PDE4D: variants seen among roughly 807,000 people sequenced by gnomAD.
PDE4D encodes the protein phosphodiesterase 4D.
A neutral mutation model predicts 87.4 loss-of-function variants in PDE4D; 24 were observed. That is an observed-to-expected ratio of 0.27 (90% CI 0.20 to 0.39). PDE4D has a LOEUF of 0.39. Among genes scored for constraint, PDE4D ranks in the 10% least tolerant of loss-of-function variants. The pLI is 1.00. For synonymous variants in PDE4D, 384 were observed against 383.2 expected (o/e 1.00, Z -0.02); for missense variants, 714 against 1,041.0 (o/e 0.69, Z 4.32).
At chr5:60,248,943 G>A (rs1748107206) in intron 1 of PDE4D, among the ~76,000 whole-genome samples, 1 of 151,960 alleles carries the variant, frequency 6.6e-6, no homozygotes, top group South Asian at 2.1e-4. Context: ...GGCATTCACT[G>A]CGCAAAGAGC....
intron 1 of PDE4D, among the ~76,000 whole-genome samples, chr5:60,228,438 G>C (rs981838078): frequency 6.6e-6 from 1 of 152,072 alleles, no homozygotes; most frequent in African/African-American, 2.4e-5. Flanking sequence ...ATAATGAACA[G>C]AGAAATATCA....
intron 1 of PDE4D, among the ~76,000 whole-genome samples, chr5:59,826,680 G>A (rs928767938): frequency 6.6e-6 from 1 of 152,062 alleles, no homozygotes; most frequent in Admixed American, 6.6e-5. Flanking sequence ...ATCAGTTTCT[G>A]TAAACCTGTA....
intron 1 of PDE4D, among the ~76,000 whole-genome samples, chr5:59,750,945 CAAAAAAAA>C (rs34787047): frequency 1.5e-5 from 1 of 68,762 alleles, no homozygotes; most frequent in Non-Finnish European, 2.8e-5. Flanking sequence ...GACCCTGTCT[CAAAAAAAA>C]AAAAAAAAAA....
At chr5:60,267,328 T>C (rs1425553393) in intron 1 of PDE4D, among the ~76,000 whole-genome samples, 2 of 152,228 alleles carry the variant, frequency 1.3e-5, no homozygotes, top group South Asian at 2.1e-4. Flanking sequence ...TATATCTTTC[T>C]GTATTTTCTA....
chr5:60,225,670 A>T (rs1745006109), intron 1 of PDE4D, among the ~76,000 whole-genome samples: 1 of 152,040 alleles, frequency 6.6e-6, no homozygotes, highest in Admixed American at 6.6e-5. Flanking sequence ...CTAACATGGG[A>T]ACTCTCTGGG....
intron 1 of PDE4D, among the ~76,000 whole-genome samples, chr5:59,367,676 A>G (rs902115869): frequency 1.3e-5 from 2 of 152,246 alleles, no homozygotes; most frequent in Admixed American, 1.3e-4. Context: ...TTTAACACCT[A>G]TGATGGTATT....
rs900928067 is a variant in PDE4D at position 60,000,233 on chromosome 5, AAGAC to A, written c.43-11520_43-11517del. Among the ~76,000 whole-genome samples, 28 of 152,292 alleles carry A rather than the reference AAGAC, an allele frequency of 1.8e-4. 1 individual carries two copies. The Middle Eastern group carries it at 0.031, about 167-fold the overall frequency. ...AGGAAGGAAATGAACAACCAAATTC[AAGAC>A]ACTGATAAAACTCAAACGTGGAAAA... On this transcript the variant is annotated intron_variant, in intron 2 of 16. Coordinates refer to the PDE4D transcript ENST00000502484.
At chr5:59,282,591 C>G (rs532314991) in intron 1 of PDE4D, among the ~76,000 whole-genome samples, 1 of 137,446 alleles carries the variant, frequency 7.3e-6, no homozygotes, top group East Asian at 2.2e-4. Flanking sequence ...TGCAGTGAGC[C>G]GAGATCGTGT....
chr5:60,280,225 T>G (rs2149744356), intron 1 of PDE4D, among the ~76,000 whole-genome samples: 1 of 152,022 alleles, frequency 6.6e-6, no homozygotes, highest in African/African-American at 2.4e-5. Context: ...ACACAGCAAT[T>G]AATATGTTTT....
intron 1 of PDE4D, among the ~76,000 whole-genome samples, chr5:59,796,643 T>C (rs750393400): frequency 6.6e-6 from 1 of 152,234 alleles, no homozygotes; most frequent in African/African-American, 2.4e-5. Context: ...TTAAAAAAAT[T>C]AAAGGCAAGC....
rs1329628925 is a variant in PDE4D at position 58,970,562 on chromosome 5, T to C, written c.*4102A>G. On this transcript the variant is annotated 3_prime_UTR_variant, in exon 15 of 15. Transcript: ENST00000340635. ...TTTAAAATTCTAAAGCAATGAAAGTTTTGCAGAAACAAATCTTAGAGGATA... is the reference window on the plus strand; with the variant it reads ...TTTAAAATTCTAAAGCAATGAAAGTCTTGCAGAAACAAATCTTAGAGGATA... 6.6e-6 allele frequency: 1 copy of C among 152,132 alleles called. No individual in the cohort carries two copies. Among genetic ancestry groups the C allele is most frequent in the East Asian group, 1.9e-4 (1 of 5,186 alleles). 9.4% of individuals were successfully genotyped at this position (152,132 alleles called of 1,614,324 possible).
At chr5:59,208,357 A>G (rs554030640) in intron 2 of PDE4D, among the ~76,000 whole-genome samples, 1 of 152,340 alleles carries the variant, frequency 6.6e-6, no homozygotes, top group East Asian at 1.9e-4. Flanking sequence ...CCTCTGCTTT[A>G]ACAACTTTTT....
intron 5 of PDE4D, among the ~76,000 whole-genome samples, chr5:59,105,215 T>G (rs1771399861): frequency 6.6e-6 from 1 of 152,238 alleles, no homozygotes; most frequent in African/African-American, 2.4e-5. Context: ...GCTGGGTCTA[T>G]TATGAGAAAC....
In PDE4D at chr5:58,988,576, A is replaced by G; in HGVS notation, c.1469T>C (p.Leu490Ser). The change falls in exon 11 of 15, where the codon TTG (leucine) becomes TCG (serine). Residue 490 changes from leucine (L) to serine (S), a missense_variant. Leu to Ser is a moderately radical substitution (Grantham distance 145, BLOSUM62 -2). Transcript: ENST00000340635. Reference protein sequence around the residue: ...TPALEAVFTDLEILAAIFASA... With the variant: ...TPALEAVFTDSEILAAIFASA... ...GGCAAAAATTGCTGCAAGAATCTCC[A>G]AATCTGTAAACACAGCCTGGAAAAT... The G allele has an allele frequency of 6.7e-7, 1 of 1,489,724 alleles. No individual in the cohort carries two copies. The highest frequency in any genetic ancestry group is 9.0e-7 in the Non-Finnish European group (1 of 1,108,128). The allele number at this position is 1,489,724 out of a possible 1,614,324, so 92.3% of individuals were successfully genotyped here.
intron 2 of PDE4D, among the ~76,000 whole-genome samples, chr5:59,998,137 T>C (rs1056604841): frequency 1.3e-5 from 2 of 152,190 alleles, no homozygotes; most frequent in African/African-American, 4.8e-5. Flanking sequence ...TGAGGATCCT[T>C]CAGAGTTTTG....
intron 1 of PDE4D, among the ~76,000 whole-genome samples, chr5:59,493,002 T>C (rs554480958): frequency 1.3e-5 from 2 of 152,158 alleles, no homozygotes; most frequent in East Asian, 1.9e-4. Context: ...TTCTTCCTAG[T>C]GTCAAGGGTG....
At chr5:59,689,684 C>G (rs1750566572) in intron 1 of PDE4D, among the ~76,000 whole-genome samples, 1 of 152,160 alleles carries the variant, frequency 6.6e-6, no homozygotes. Flanking sequence ...CCTTTCTCAC[C>G]ACTCCTATTC....
chr5:59,179,080 G>T (rs1561640862), intron 5 of PDE4D, among the ~76,000 whole-genome samples: 1 of 152,098 alleles, frequency 6.6e-6, no homozygotes, highest in Non-Finnish European at 1.5e-5. Context: ...ATTTATTTTA[G>T]CATATAGGAA....
chr5:60,459,141 A>C (rs948566308), intron 1 of PDE4D, among the ~76,000 whole-genome samples: 1 of 152,192 alleles, frequency 6.6e-6, no homozygotes, highest in Non-Finnish European at 1.5e-5. Context: ...CAAAATTACA[A>C]TAGAGAAAGT....
Sources: gnomAD v4.1 joint callset for allele counts (sites outside exome capture counted in the v4.1 genomes callset) on GRCh38, gnomAD v4.1.1 for gene constraint, MANE v1.5 for transcripts, NCBI Gene and HGNC (gene_info 2026-07-23, HGNC 2026-07-21) for gene names.